The following PROCR variants were observed in gnomAD, a reference collection of about 807,000 sequenced individuals.
PROCR encodes the protein endothelial protein C receptor.
In PROCR, 22 loss-of-function variants were observed where a neutral mutation model predicts 24.2. That is an observed-to-expected ratio of 0.91 (90% confidence interval 0.65 to 1.30). The LOEUF is 1.30. PROCR is among the 50% of genes most tolerant of loss of function. PROCR has a pLI of 0.00. For synonymous variants in PROCR, 137 were observed against 139.2 expected (o/e 0.98, Z 0.11); for missense variants, 288 against 307.7 (o/e 0.94, Z 0.48).
intron 1 of PROCR, among the ~76,000 whole-genome samples, chr20:35,212,213 G>C (rs1270631151): frequency 6.6e-6 from 1 of 152,130 alleles, no homozygotes; most frequent in Non-Finnish European, 1.5e-5. Context: ...ACATCATAGA[G>C]AAAAAGAGAT....
chr20:35,196,709 C>G (rs956055333), intron 1 of PROCR, among the ~76,000 whole-genome samples: 21 of 152,084 alleles, frequency 1.4e-4, no homozygotes, highest in Non-Finnish European at 2.2e-4. Flanking sequence ...AACACCTGTT[C>G]TGAAAGAAAT....
intron 1 of PROCR, among the ~76,000 whole-genome samples, chr20:35,193,182 T>C (rs4911477): frequency 0.38 from 57,474 of 150,366 alleles, 12,056 homozygotes; most frequent in East Asian, 0.64. Flanking sequence ...TTCTTTCTTT[T>C]TTTTTTTTTT....
chr20:35,172,232 G>A lies in PROCR; in HGVS notation c.70+8G>A, dbSNP rs751962098. 9 of 1,613,852 alleles carry A rather than the reference G, an allele frequency of 5.6e-6. No homozygotes were observed. The highest frequency in any genetic ancestry group is 3.3e-5 in the Admixed American group (2 of 59,980). ...GCCAAGACGCCTCAGATGGTGAGTCGGGGGCACATCTCCTGCCTCAGGATG... is the reference window on the plus strand; with the variant it reads ...GCCAAGACGCCTCAGATGGTGAGTCAGGGGCACATCTCCTGCCTCAGGATG... On this transcript the variant is annotated splice_region_variant and intron_variant, in intron 1 of 3. Transcript: ENST00000216968.
chr20:35,212,060 C>G (rs1260310242), intron 1 of PROCR, among the ~76,000 whole-genome samples: 1 of 151,770 alleles, frequency 6.6e-6, no homozygotes, highest in Non-Finnish European at 1.5e-5. Context: ...GTTAATAAAA[C>G]TATGTGCAAG....
At chr20:35,215,736 C>T (rs1323090463) in intron 1 of PROCR, among the ~76,000 whole-genome samples, 1 of 152,080 alleles carries the variant, frequency 6.6e-6, no homozygotes, top group Non-Finnish European at 1.5e-5. Flanking sequence ...CTTCACAGGA[C>T]AGTGGTGAGG....
Position 35,174,711 on chromosome 20 carries a change from G to T in PROCR, c.80G>T (p.Arg27Ile). 6.2e-7 allele frequency: 1 copy of T among 1,614,026 alleles called. No homozygotes were observed. Among genetic ancestry groups the T allele is most frequent in the South Asian group, 1.1e-5 (1 of 91,080 alleles). ...CTGACTCTGCCCGCAGGCCTCCAAA[G>T]ACTTCATATGCTCCAGATCTCCTAC... ...CSQDASDGLQ[R>I]LHMLQISYFR... The change falls in exon 2 of 4, where the codon AGA becomes ATA. Residue 27 changes from arginine to isoleucine, a missense_variant. Physicochemically the swap from Arg to Ile is moderately conservative, Grantham distance 97. Coordinates refer to ENST00000216968, the MANE Select transcript of PROCR (RefSeq NM_006404.5).
chr20:35,201,652 C>T (rs1447231113), intron 1 of PROCR: 1 of 151,288 alleles, frequency 6.6e-6, no homozygotes, highest in Non-Finnish European at 1.5e-5. Flanking sequence ...CATGCCATTG[C>T]ATTCCAGCCT....
chr20:35,171,732 A>G (rs1461214236), upstream of PROCR, among the ~76,000 whole-genome samples: 1 of 152,158 alleles, frequency 6.6e-6, no homozygotes, highest in African/African-American at 2.4e-5. Flanking sequence ...TCTCCCCATC[A>G]GCAACCTGCT....
intron 2 of PROCR, among the ~76,000 whole-genome samples, chr20:35,175,669 C>T (rs1380258880): frequency 7.2e-6 from 1 of 139,738 alleles, no homozygotes; most frequent in East Asian, 2.3e-4. Context: ...ACTGCAACTT[C>T]CGCCTCCCGG....
chr20:35,210,737 T>C (rs1377082485), intron 1 of PROCR, among the ~76,000 whole-genome samples: 4 of 150,976 alleles, frequency 2.6e-5, no homozygotes, highest in African/African-American at 7.3e-5. Flanking sequence ...TTCTCTGAGA[T>C]GGAGTCTCAC....
intron 1 of PROCR, among the ~76,000 whole-genome samples, chr20:35,214,600 A>G (rs2060374245): frequency 6.6e-6 from 1 of 151,316 alleles, no homozygotes. Context: ...GAGGCAGGAG[A>G]ATTGCTTGAA....
intron 1 of PROCR, among the ~76,000 whole-genome samples, chr20:35,187,815 A>G (rs1045689415): frequency 6.6e-6 from 1 of 152,210 alleles, no homozygotes; most frequent in African/African-American, 2.4e-5. Context: ...TATCTAAGGT[A>G]TCTCCCAGCT....
At chr20:35,203,623 A>T (rs1774856309) in intron 1 of PROCR, among the ~76,000 whole-genome samples, 1 of 149,530 alleles carries the variant, frequency 6.7e-6, no homozygotes, top group South Asian at 2.1e-4. Flanking sequence ...TCTCAAAAAA[A>T]AAGAAAAAAA....
rs779598706 is a variant in PROCR at position 35,174,942 on chromosome 20, G to C, written c.311G>C (p.Arg104Pro). Residue 104 changes from arginine to proline, a missense_variant, in exon 2 of 4, where the codon CGG becomes CCG. Coordinates refer to ENST00000216968, the MANE Select transcript of PROCR (RefSeq NM_006404.5). ...CTCGTGCGCCTGGTGCACCAGGAGC[G>C]GACCTTGGCCTGTGAGTAGGCGCGC... ...HGLVRLVHQE[R>P]TLAFPLTIRC... 5.1e-6 allele frequency: 8 copies of C among 1,569,274 alleles called. No homozygotes were observed. Among genetic ancestry groups the C allele is most frequent in the South Asian group, 1.2e-5 (1 of 86,936 alleles).
chr20:35,185,030 CAAAAAAAAAAA>C (rs55715132), intron 1 of PROCR, among the ~76,000 whole-genome samples: 2 of 104,106 alleles, frequency 1.9e-5, no homozygotes, highest in Admixed American at 1.1e-4. Flanking sequence ...ATCAGTAAGA[CAAAAAAAAAAA>C]AAAAAAAAAT....
intron 1 of PROCR, among the ~76,000 whole-genome samples, chr20:35,207,620 C>T (rs1399649348): frequency 6.6e-6 from 1 of 151,784 alleles, no homozygotes; most frequent in African/African-American, 2.4e-5. Flanking sequence ...ACCTCTGCCT[C>T]CCAAGTTCAA....
At chr20:35,205,603 T>C (rs900763844) in intron 1 of PROCR, among the ~76,000 whole-genome samples, 37 of 148,954 alleles carry the variant, frequency 2.5e-4, no homozygotes, top group Non-Finnish European at 5.2e-4. Context: ...AATACAAAAT[T>C]AGCCGGGTGT....
intron 1 of PROCR, among the ~76,000 whole-genome samples, chr20:35,186,287 G>T (rs1293233105): frequency 6.6e-6 from 1 of 152,180 alleles, no homozygotes; most frequent in African/African-American, 2.4e-5. Flanking sequence ...ATGATAAGTA[G>T]TCCGGGAGCA....
At chr20:35,198,098 C>T (rs1462886505) in intron 1 of PROCR, among the ~76,000 whole-genome samples, 2 of 149,498 alleles carry the variant, frequency 1.3e-5, no homozygotes, top group Admixed American at 6.8e-5. Context: ...TCCTGGCTAA[C>T]GTGGTGAAAC....
Sources: allele counts gnomAD v4.1 joint callset (sites outside exome capture counted in the v4.1 genomes callset), GRCh38; gene constraint gnomAD v4.1.1; transcripts MANE v1.5; gene names NCBI Gene and HGNC (gene_info 2026-07-23, HGNC 2026-07-21).